The following CNIH3 variants were observed in gnomAD, a reference collection of about 807,000 sequenced individuals.
The protein encoded by CNIH3 is cornichon family AMPA receptor auxiliary protein 3, also known as protein cornichon homolog 3.
In CNIH3, 14 loss-of-function variants were observed where a neutral mutation model predicts 24.1. The observed-to-expected ratio is 0.58, with a 90% CI of 0.38 to 0.91. The LOEUF (loss-of-function observed/expected upper bound fraction) is 0.91, where lower values mean the gene tolerates loss of function less well. CNIH3 is among the 40% of genes least tolerant of loss of function. CNIH3 has a pLI of 0.00. For synonymous variants in CNIH3, 68 were observed against 73.8 expected, an observed-to-expected ratio of 0.92 and a Z score of 0.40; for missense variants, 178 against 196.8, an observed-to-expected ratio of 0.90 and a Z score of 0.57.
intron 1 of CNIH3, among the ~76,000 whole-genome samples, chr1:224,674,951 C>T (rs1378029713): frequency 3.3e-5 from 5 of 152,276 alleles, no homozygotes; most frequent in Non-Finnish European, 7.4e-5. Context: ...GAGCCTCACC[C>T]TTGCCCCACT....
chr1:224,685,870 G>C (rs912275601), intron 3 of CNIH3, among the ~76,000 whole-genome samples: 1 of 151,986 alleles, frequency 6.6e-6, no homozygotes. Flanking sequence ...AATATGCTTG[G>C]ATAAAGCCTA....
chr1:224,734,333 A>G (rs935969333), intron 4 of CNIH3, among the ~76,000 whole-genome samples: 2 of 152,142 alleles, frequency 1.3e-5, no homozygotes, highest in Non-Finnish European at 2.9e-5. Context: ...AGCTTTGTAT[A>G]TGGGTGAAAT....
intron 3 of CNIH3, among the ~76,000 whole-genome samples, chr1:224,559,263 T>C (rs1680265327): frequency 6.6e-6 from 1 of 152,216 alleles, no homozygotes; most frequent in Non-Finnish European, 1.5e-5. Context: ...TACCTTCTGT[T>C]TCCCACTTCT....
rs1685938103 is a variant in CNIH3, at chr1:224,672,889, T to C, written c.82-8069T>C. 2.0e-5 allele frequency among the ~76,000 whole-genome samples: 3 copies of C among 151,856 alleles called. No individual in the cohort carries two copies. The South Asian group carries it at 6.2e-4, about 32-fold the overall frequency. ...TTCAAAATTGGACCTGTAGTCAGAGTTTCTAGGAGGTTTGGGGCATGTGCC... is the reference window on the plus strand; with the variant it reads ...TTCAAAATTGGACCTGTAGTCAGAGCTTCTAGGAGGTTTGGGGCATGTGCC... On this transcript the variant is annotated intron_variant, in intron 1 of 5. Coordinates refer to ENST00000272133, the MANE Select transcript of CNIH3 (RefSeq NM_152495.2).
chr1:224,594,729 C>A (rs1192256446), intron 3 of CNIH3, among the ~76,000 whole-genome samples: 1 of 152,140 alleles, frequency 6.6e-6, no homozygotes, highest in Non-Finnish European at 1.5e-5. Context: ...TCTCTAGTTG[C>A]CTGGTACCTG....
At chr1:224,649,649 T>C (rs56091820) in intron 1 of CNIH3, among the ~76,000 whole-genome samples, 8,666 of 152,262 alleles carry the variant, frequency 0.057, 342 homozygotes, top group Non-Finnish European at 0.081. Context: ...CTTGGCTTCA[T>C]TTGGATAGTT....
At position 224,698,589 on chromosome 1, in the gene CNIH3, T is replaced by C. The variant is rs1034546574; in HGVS notation, c.198+13746T>C. On this transcript the variant is annotated intron_variant, in intron 3 of 5. Transcript: ENST00000272133. ...CTAGACTTTAATACATGCCATTGGG[T>C]ACTTCACATTTTTTGACAGTGGTGA... 2.6e-5 allele frequency among the ~76,000 whole-genome samples: 4 copies of C among 152,236 alleles called. No individual in the cohort carries two copies. In the East Asian group the frequency reaches 7.7e-4, roughly 29 times the overall value.
At chr1:224,700,970 T>A (rs1002906883) in intron 3 of CNIH3, among the ~76,000 whole-genome samples, 1 of 152,212 alleles carries the variant, frequency 6.6e-6, no homozygotes, top group African/African-American at 2.4e-5. Context: ...TATTTTTGTT[T>A]ATGGGATGTC....
At chr1:224,459,498 ACTT>A (rs1272486432) in intron 1 of CNIH3, among the ~76,000 whole-genome samples, 1 of 152,066 alleles carries the variant, frequency 6.6e-6, no homozygotes, top group Admixed American at 6.6e-5. Flanking sequence ...AGAAATAACA[ACTT>A]CTATCTTGGG....
chr1:224,448,541 G>A (rs1455435008), intron 1 of CNIH3, among the ~76,000 whole-genome samples: 1 of 152,168 alleles, frequency 6.6e-6, no homozygotes, highest in African/African-American at 2.4e-5. Flanking sequence ...GAGTAAGTGG[G>A]ATCATGACTT....
At chr1:224,727,568 A>G (rs1689100135) in intron 3 of CNIH3, among the ~76,000 whole-genome samples, 1 of 152,110 alleles carries the variant, frequency 6.6e-6, no homozygotes. Flanking sequence ...GGAAAATGAG[A>G]CCTTACCACC....
intron 4 of CNIH3, among the ~76,000 whole-genome samples, chr1:224,569,829 G>C (rs1440641186): frequency 6.6e-6 from 1 of 151,992 alleles, no homozygotes; most frequent in Non-Finnish European, 1.5e-5. Context: ...TGTTGCCCAG[G>C]CTGGAGTGCA....
At chr1:224,724,719 G>A (rs1052651642) in intron 3 of CNIH3, among the ~76,000 whole-genome samples, 6 of 152,140 alleles carry the variant, frequency 3.9e-5, no homozygotes, top group African/African-American at 1.4e-4. Flanking sequence ...TGATTTGAGA[G>A]GCAGGCTGTT....
chr1:224,577,536 A>G (rs2125009402), intron 4 of CNIH3, among the ~76,000 whole-genome samples: 1 of 152,274 alleles, frequency 6.6e-6, no homozygotes, highest in Admixed American at 6.5e-5. Flanking sequence ...TTGAATGGCC[A>G]TGATTTAAAA....
intron 3 of CNIH3, among the ~76,000 whole-genome samples, chr1:224,605,417 G>A (rs1682377479): frequency 6.6e-6 from 1 of 152,198 alleles, no homozygotes; most frequent in African/African-American, 2.4e-5. Flanking sequence ...GGTGGGCCAA[G>A]CTAACTTTGG....
chr1:224,618,890 A>G (rs1683156274), intron 1 of CNIH3, among the ~76,000 whole-genome samples: 1 of 152,226 alleles, frequency 6.6e-6, no homozygotes, highest in South Asian at 2.1e-4. Flanking sequence ...GACAGTTCTT[A>G]AGGGAAAAGG....
At chr1:224,516,269 G>A (rs1037423115) in intron 1 of CNIH3, among the ~76,000 whole-genome samples, 2 of 141,580 alleles carry the variant, frequency 1.4e-5, no homozygotes, top group Non-Finnish European at 3.0e-5. Context: ...AGCCGAGATT[G>A]TGCCACTGCA....
At chr1:224,688,817 C>T (rs780388173) in intron 3 of CNIH3, among the ~76,000 whole-genome samples, 2 of 150,704 alleles carry the variant, frequency 1.3e-5, no homozygotes, top group Non-Finnish European at 2.9e-5. Context: ...CCCAGCTACT[C>T]GGGAGGCTAA....
At chr1:224,689,636 C>G (rs545323805) in intron 3 of CNIH3, among the ~76,000 whole-genome samples, 6 of 152,266 alleles carry the variant, frequency 3.9e-5, no homozygotes, top group Non-Finnish European at 7.4e-5. Flanking sequence ...GGGAACTGCA[C>G]CTTCCAAGAA....
Sources: allele counts gnomAD v4.1 joint callset (sites outside exome capture counted in the v4.1 genomes callset), GRCh38; gene constraint gnomAD v4.1.1; transcripts MANE v1.5; gene names NCBI Gene and HGNC (gene_info 2026-07-23, HGNC 2026-07-21).